Variants in CDH4 observed in about 807,000 individuals in gnomAD.
CDH4 encodes cadherin-4.
In CDH4, 33 loss-of-function variants were observed where a neutral mutation model predicts 86.0. The observed-to-expected ratio is 0.38, with a 90% CI of 0.29 to 0.51. The LOEUF is 0.51. CDH4 is among the 20% of genes least tolerant of loss of function. The probability of loss-of-function intolerance (pLI) is 0.86; values close to 1 mark genes in which losing one functional copy is unlikely to be tolerated. For synonymous variants in CDH4, 555 were observed against 549.4 expected, an observed-to-expected ratio of 1.01 and a Z score of -0.14; for missense variants, 1,114 against 1,307.4, an observed-to-expected ratio of 0.85 and a Z score of 2.28.
intron 2 of CDH4, among the ~76,000 whole-genome samples, chr20:61,722,474 C>G (rs755083504): frequency 6.6e-6 from 1 of 152,186 alleles, no homozygotes; most frequent in African/African-American, 2.4e-5. Flanking sequence ...TTGTCTTGGC[C>G]AATGAAATGG....
At chr20:61,820,686 C>A (rs1980973807) in intron 4 of CDH4, among the ~76,000 whole-genome samples, 1 of 152,176 alleles carries the variant, frequency 6.6e-6, no homozygotes, top group Non-Finnish European at 1.5e-5. Flanking sequence ...CCCTCGCAGC[C>A]CCTCAAGGCC....
chr20:61,639,158 C>A (rs2427216), intron 2 of CDH4, among the ~76,000 whole-genome samples: 94,613 of 152,164 alleles, frequency 0.62, 29,896 homozygotes, highest in African/African-American at 0.73. Context: ...TTCTGAGGTC[C>A]GTGCAAGGTG....
At chr20:61,873,996 G>T in intron 7 of CDH4, 96 bp downstream of exon 7, 1 of 1,348,902 alleles carries the variant, frequency 7.4e-7, no homozygotes, top group Admixed American at 1.9e-5. Flanking sequence ...TGGCGCCGTC[G>T]GGGAGTGATC....
intron 2 of CDH4, among the ~76,000 whole-genome samples, chr20:61,439,355 G>A (rs1421010342): frequency 6.6e-6 from 1 of 152,162 alleles, no homozygotes; most frequent in African/African-American, 2.4e-5. Flanking sequence ...TGGCTCTGAG[G>A]GTTGGCTGGG....
At chr20:61,714,340 C>T (rs1414851882) in intron 2 of CDH4, among the ~76,000 whole-genome samples, 10 of 152,156 alleles carry the variant, frequency 6.6e-5, no homozygotes, top group African/African-American at 1.4e-4. Flanking sequence ...GCCACCACGC[C>T]GAGAACCATT....
chr20:61,924,773 C>T (rs1318345527), intron 11 of CDH4, among the ~76,000 whole-genome samples: 1 of 152,230 alleles, frequency 6.6e-6, no homozygotes, highest in African/African-American at 2.4e-5. Flanking sequence ...CAACGTCACT[C>T]ACCCACAGCC....
At chr20:61,620,202 A>ATGGACAGACGGGCAGGCTGG (rs1555814988) in intron 2 of CDH4, among the ~76,000 whole-genome samples, 16 of 143,246 alleles carry the variant, frequency 1.1e-4, no homozygotes, top group African/African-American at 4.2e-4. Flanking sequence ...GGATGGATGG[A>ATGGACAGACGGGCAGGCTGG]TGGACAGACA....
chr20:61,601,440 C>T (rs2086599892), intron 2 of CDH4, among the ~76,000 whole-genome samples: 1 of 152,180 alleles, frequency 6.6e-6, no homozygotes, highest in Non-Finnish European at 1.5e-5. Context: ...GCCCCACACC[C>T]CTCACCTGTG....
At chr20:61,846,632 A>G (rs1163428311) in intron 5 of CDH4, among the ~76,000 whole-genome samples, 2 of 152,110 alleles carry the variant, frequency 1.3e-5, no homozygotes, top group African/African-American at 2.4e-5. Flanking sequence ...GACAGAAATA[A>G]AGAGAGAGAC....
At chr20:61,805,841 A>G (rs1358470802) in intron 4 of CDH4, among the ~76,000 whole-genome samples, 2 of 152,224 alleles carry the variant, frequency 1.3e-5, no homozygotes, top group African/African-American at 4.8e-5. Context: ...TCCACAAAGC[A>G]GATTTAATTT....
In CDH4 at chr20:61,394,894, CCT is replaced by C. The variant is rs2085007981; in HGVS notation, c.169+139958_169+139959del. On this transcript the variant is annotated intron_variant, in intron 2 of 15. Coordinates refer to ENST00000614565, the MANE Select transcript of CDH4 (RefSeq NM_001794.5). Reference sequence around the variant, plus strand: ...GGCTGTGAGCCCTCACAACCCTGCCCCTGTCACCCCCACCCCGCCCAGCAGTG... The same window carrying C: ...GGCTGTGAGCCCTCACAACCCTGCCCGTCACCCCCACCCCGCCCAGCAGTG... Among the ~76,000 whole-genome samples the C allele has an allele frequency of 3.6e-5, 5 of 138,258 alleles. No homozygotes were observed. The South Asian group carries it at 1.6e-3, about 45-fold the overall frequency. The allele number at this position is 138,258 out of a possible 152,430, so 90.7% of individuals were successfully genotyped here.
rs1457142953 is a variant in CDH4 at position 61,555,230 on chromosome 20, G to A, written c.170-188333G>A. Reference sequence around the variant, plus strand: ...TTTCTGAGAACCAGGCAGCCTCCTTGTGAGTGGTTTCTATGAGTGTGTGCA... The same window carrying A: ...TTTCTGAGAACCAGGCAGCCTCCTTATGAGTGGTTTCTATGAGTGTGTGCA... On this transcript the variant is annotated intron_variant, in intron 2 of 15. Transcript: ENST00000614565. Among the ~76,000 whole-genome samples the A allele has an allele frequency of 2.0e-5, 3 of 152,226 alleles. No individual in the cohort carries two copies. The East Asian group carries it at 5.8e-4, about 29-fold the overall frequency.
chr20:61,315,453 A>G (rs1283680138), intron 2 of CDH4, among the ~76,000 whole-genome samples: 1 of 152,076 alleles, frequency 6.6e-6, no homozygotes, highest in Non-Finnish European at 1.5e-5. Context: ...CCTCAGACAG[A>G]TTTTCAGCTG....
chr20:61,565,092 T>TGGTGGTGGTGGTGGTGG lies in CDH4; in HGVS notation c.170-178471_170-178470insGGTGGTGGTGGTGGTGG, dbSNP rs747308048. Among the ~76,000 whole-genome samples the TGGTGGTGGTGGTGGTGG allele has an allele frequency of 4.2e-4, 27 of 63,854 alleles. 1 individual carries two copies. Among genetic ancestry groups the TGGTGGTGGTGGTGGTGG allele is most frequent in the Non-Finnish European group, 5.4e-4 (18 of 33,068 alleles). 41.9% of individuals were successfully genotyped at this position (63,854 alleles called of 152,430 possible). A position where few individuals can be genotyped will look rare whatever the true frequency, so the allele number is the denominator to read the frequency against. Reference sequence around the variant, plus strand: ...GGTGGTGGTGGTGGTGGTGGTGCTCTTGGTGGTGCTCTTGGTGGTGCTGGT... The same window carrying TGGTGGTGGTGGTGGTGG: ...GGTGGTGGTGGTGGTGGTGGTGCTCTGGTGGTGGTGGTGGTGGTGGTGGTGCTCTTGGTGGTGCTGGT... On this transcript the variant is annotated intron_variant, in intron 2 of 15. Transcript: ENST00000614565.
At chr20:61,933,186 T>C in intron 14 of CDH4, 62 bp downstream of exon 14, 2 of 1,573,648 alleles carry the variant, frequency 1.3e-6, no homozygotes, top group Non-Finnish European at 1.7e-6. Flanking sequence ...TACTAGTGTC[T>C]CAGCAGGGAT....
chr20:61,359,548 G>A (rs2084772717), intron 2 of CDH4, among the ~76,000 whole-genome samples: 1 of 152,242 alleles, frequency 6.6e-6, no homozygotes, highest in Admixed American at 6.5e-5. Flanking sequence ...TCTTTGCTGT[G>A]TCCCACAAAG....
At chr20:61,880,694 G>C (rs1233156812) in intron 7 of CDH4, among the ~76,000 whole-genome samples, 1 of 152,242 alleles carries the variant, frequency 6.6e-6, no homozygotes, top group Non-Finnish European at 1.5e-5. Context: ...GGCCTTGGGG[G>C]TGAGGGTCGG....
chr20:61,609,951 G>A (rs373953261), intron 2 of CDH4, among the ~76,000 whole-genome samples: 15 of 152,032 alleles, frequency 9.9e-5, no homozygotes, highest in East Asian at 7.7e-4. Context: ...CAGGATCATC[G>A]GGGTACCCAT....
chr20:61,431,570 G>C (rs747810588), intron 2 of CDH4, among the ~76,000 whole-genome samples: 22 of 152,034 alleles, frequency 1.4e-4, no homozygotes, highest in Admixed American at 4.6e-4. Flanking sequence ...ATGTTGCCCA[G>C]GCTGGTCTCA....
Sources: gnomAD v4.1 joint callset for allele counts (sites outside exome capture counted in the v4.1 genomes callset) on GRCh38, gnomAD v4.1.1 for gene constraint, MANE v1.5 for transcripts, NCBI Gene and HGNC (gene_info 2026-07-23, HGNC 2026-07-21) for gene names.